The following SLC4A8 variants were observed in gnomAD, a reference collection of about 807,000 sequenced individuals.
The protein encoded by SLC4A8 is electroneutral sodium bicarbonate exchanger 1.
In SLC4A8, 40 loss-of-function variants were observed where a neutral mutation model predicts 125.0. The observed-to-expected ratio is 0.32, with a 90% CI of 0.25 to 0.42. SLC4A8 has a LOEUF of 0.42. Ranked by LOEUF, SLC4A8 falls within the 10% of genes least tolerant of loss-of-function variation. The probability of loss-of-function intolerance (pLI) is 1.00; values close to 1 mark genes in which losing one functional copy is unlikely to be tolerated. For synonymous variants in SLC4A8, 456 were observed against 476.0 expected, an observed-to-expected ratio of 0.96 and a Z score of 0.55; for missense variants, 863 against 1,355.1, an observed-to-expected ratio of 0.64 and a Z score of 5.70.
intron 1 of SLC4A8, among the ~76,000 whole-genome samples, chr12:51,400,675 A>C (rs1404521328): frequency 7.0e-6 from 1 of 142,250 alleles, no homozygotes; most frequent in Non-Finnish European, 1.5e-5. Flanking sequence ...GTTTGTTTAT[A>C]TGACATAACT....
At chr12:51,453,792 G>A (rs943125091) in intron 5 of SLC4A8, 93 bp downstream of exon 5, 2 of 1,280,662 alleles carry the variant, frequency 1.6e-6, no homozygotes, top group Admixed American at 3.9e-5. Context: ...GAATACAGTG[G>A]GTTGTGTGTC....
intron 1 of SLC4A8, among the ~76,000 whole-genome samples, chr12:51,400,799 C>T (rs1268460365): frequency 1.5e-4 from 13 of 89,278 alleles, no homozygotes; most frequent in African/African-American, 6.3e-4. Flanking sequence ...CACACACACA[C>T]ACATATATAA....
At chr12:51,418,806 G>A (rs1257151161) in intron 1 of SLC4A8, among the ~76,000 whole-genome samples, 6 of 152,186 alleles carry the variant, frequency 3.9e-5, no homozygotes, top group Non-Finnish European at 8.8e-5. Flanking sequence ...ATCACTGGAA[G>A]TAAGAGTAGC....
At chr12:51,489,146 A>G (rs1951236502) in intron 18 of SLC4A8, among the ~76,000 whole-genome samples, 1 of 152,216 alleles carries the variant, frequency 6.6e-6, no homozygotes. Flanking sequence ...GGGTCAAGCA[A>G]CTGTACAGCT....
chr12:51,469,496 T>A, intron 11 of SLC4A8, 118 bp from the exon 12 acceptor site: 1 of 857,296 alleles, frequency 1.2e-6, no homozygotes, highest in South Asian at 1.8e-5. Context: ...GGGGTCAAAC[T>A]GAAGCCAAAG....
At chr12:51,462,232 A>G in intron 9 of SLC4A8, 78 bp from the exon 10 acceptor site, 1 of 1,350,494 alleles carries the variant, frequency 7.4e-7, no homozygotes, top group Non-Finnish European at 1.1e-6. Context: ...GGTTGTATTC[A>G]TTTTTCACCA....
chr12:51,458,969 C>T (rs913562571), intron 7 of SLC4A8, among the ~76,000 whole-genome samples: 1 of 152,212 alleles, frequency 6.6e-6, no homozygotes, highest in African/African-American at 2.4e-5. Flanking sequence ...AGTTCCTTCT[C>T]ACCCCCAGGG....
chr12:51,481,233 G>A (rs887506929), intron 16 of SLC4A8, among the ~76,000 whole-genome samples: 6 of 151,920 alleles, frequency 3.9e-5, no homozygotes, highest in African/African-American at 9.7e-5. Context: ...TCCCCACCCC[G>A]TTTCTATTTC....
At chr12:51,405,379 G>C (rs1948465524) in intron 1 of SLC4A8, among the ~76,000 whole-genome samples, 1 of 152,174 alleles carries the variant, frequency 6.6e-6, no homozygotes, top group African/African-American at 2.4e-5. Flanking sequence ...CACTGGAGAG[G>C]TCACCATTTC....
chr12:51,496,485 C>T (rs1406767160), intron 21 of SLC4A8, among the ~76,000 whole-genome samples: 1 of 152,118 alleles, frequency 6.6e-6, no homozygotes, highest in Non-Finnish European at 1.5e-5. Flanking sequence ...TCAGGCCAGG[C>T]CAGAGGGCAA....
At chr12:51,399,306 G>A (rs781191163) in intron 1 of SLC4A8, among the ~76,000 whole-genome samples, 1 of 152,122 alleles carries the variant, frequency 6.6e-6, no homozygotes, top group African/African-American at 2.4e-5. Flanking sequence ...AAGCTCAAAA[G>A]TATAGTGAAG....
upstream of SLC4A8, chr12:51,424,342 C>G (rs1948888855): frequency 6.6e-6 from 1 of 151,060 alleles, no homozygotes; most frequent in Non-Finnish European, 1.5e-5. Flanking sequence ...TGACTTGAGA[C>G]TCAAGAAGAA....
At chr12:51,494,032 T>G (rs1204846870) in intron 20 of SLC4A8, among the ~76,000 whole-genome samples, 1 of 152,232 alleles carries the variant, frequency 6.6e-6, no homozygotes, top group Non-Finnish European at 1.5e-5. Flanking sequence ...CAGACAATTT[T>G]TTTTTGGCAT....
chr12:51,418,757 T>A (rs1161635417), intron 1 of SLC4A8, among the ~76,000 whole-genome samples: 2 of 152,190 alleles, frequency 1.3e-5, no homozygotes, highest in Admixed American at 1.3e-4. Flanking sequence ...TTTTTTAAAA[T>A]ATATATATAA....
chr12:51,481,066 C>T (rs1201316721), intron 16 of SLC4A8, among the ~76,000 whole-genome samples: 3 of 152,156 alleles, frequency 2.0e-5, no homozygotes, highest in South Asian at 4.1e-4. Context: ...GAAGTCCCTT[C>T]CTGCCCTAAC....
intron 21 of SLC4A8, among the ~76,000 whole-genome samples, chr12:51,496,695 G>A (rs924484749): frequency 2.6e-5 from 4 of 152,216 alleles, no homozygotes; most frequent in Non-Finnish European, 5.9e-5. Flanking sequence ...CTGCTGTCCT[G>A]TAGCCTTCCT....
At chr12:51,447,048 G>C (rs373121356) in intron 2 of SLC4A8, among the ~76,000 whole-genome samples, 2 of 71,606 alleles carry the variant, frequency 2.8e-5, no homozygotes, top group Admixed American at 1.4e-4. Context: ...CTGTCTGTCT[G>C]TCTGTCTGTC....
intron 1 of SLC4A8, 108 bp downstream of exon 1, chr12:51,425,143 C>T: frequency 6.9e-7 from 1 of 1,458,138 alleles, no homozygotes; most frequent in South Asian, 1.4e-5. Context: ...CCAGGCCGCT[C>T]CCTGAGGGCG....
intron 11 of SLC4A8, among the ~76,000 whole-genome samples, chr12:51,464,427 T>G (rs146005686): frequency 3.3e-5 from 5 of 152,300 alleles, no homozygotes; most frequent in Non-Finnish European, 7.3e-5. Context: ...GAATAGGCAA[T>G]CTACTCTTCT....
Sources: allele counts gnomAD v4.1 joint callset (sites outside exome capture counted in the v4.1 genomes callset), GRCh38; gene constraint gnomAD v4.1.1; transcripts MANE v1.5; gene names NCBI Gene and HGNC (gene_info 2026-07-23, HGNC 2026-07-21).